Variants in TNR observed in about 807,000 individuals in gnomAD.
TNR encodes the protein tenascin R, also known as tenascin-R.
Under a neutral mutation model 150.4 loss-of-function variants are expected in TNR, and 45 were observed. The observed-to-expected ratio is 0.30, with a 90% CI of 0.24 to 0.38. The LOEUF (loss-of-function observed/expected upper bound fraction) is 0.38. Ranked by LOEUF, TNR falls within the 10% of genes least tolerant of loss-of-function variation. TNR has a pLI of 1.00. For missense variants in TNR, 1,544 were observed against 1,759.1 expected, an observed-to-expected ratio of 0.88 and a Z score of 2.19; for synonymous variants, 687 against 678.4, an observed-to-expected ratio of 1.01 and a Z score of -0.20.
chr1:175,531,764 A>G (rs547330632), intron 1 of TNR, among the ~76,000 whole-genome samples: 18 of 152,366 alleles, frequency 1.2e-4, no homozygotes, highest in African/African-American at 3.8e-4. Context: ...CCTATGAAAT[A>G]TGTCTAGAAA....
intron 1 of TNR, among the ~76,000 whole-genome samples, chr1:175,700,415 A>C (rs1415060926): frequency 6.6e-6 from 1 of 152,142 alleles, no homozygotes; most frequent in Non-Finnish European, 1.5e-5. Context: ...TCTTAAATTC[A>C]CTATCCTGAG....
At chr1:175,586,209 T>C (rs757798261) in intron 1 of TNR, among the ~76,000 whole-genome samples, 77 of 152,262 alleles carry the variant, frequency 5.1e-4, no homozygotes, top group African/African-American at 1.5e-3. Flanking sequence ...GGGAAAGAGA[T>C]GGATGCTGGG....
chr1:175,652,198 A>G (rs1325408418), intron 1 of TNR, among the ~76,000 whole-genome samples: 1 of 148,476 alleles, frequency 6.7e-6, no homozygotes, highest in Non-Finnish European at 1.5e-5. Flanking sequence ...TTATCATATT[A>G]TATTATTCTC....
intron 2 of TNR, among the ~76,000 whole-genome samples, chr1:175,470,867 G>T (rs1657255092): frequency 6.6e-6 from 1 of 152,186 alleles, no homozygotes; most frequent in South Asian, 2.1e-4. Flanking sequence ...ACTATTGGCT[G>T]AAATTTGGCA....
chr1:175,320,788 T>TTTAC lies in TNR; in HGVS notation c.*2568_*2569insGTAA, dbSNP rs1648998010. ...TTCCCTCCCTCCCTCCCCTTCCTTC[T>TTTAC]TTCCTTCCTTCCTTCCTTCCTTCTT... On this transcript the variant is annotated 3_prime_UTR_variant, in exon 23 of 23. Transcript: ENST00000367674. The TTTAC allele has an allele frequency of 7.1e-6, 1 of 141,270 alleles. No individual in the cohort carries two copies. The highest frequency in any genetic ancestry group is 2.6e-5 in the African/African-American group (1 of 38,372). 8.8% of individuals were successfully genotyped at this position (141,270 alleles called of 1,614,324 possible).
chr1:175,573,992 C>A (rs1341658931), intron 1 of TNR, among the ~76,000 whole-genome samples: 3 of 152,166 alleles, frequency 2.0e-5, no homozygotes, highest in Non-Finnish European at 4.4e-5. Flanking sequence ...GCCAAGGGGG[C>A]CCTTCCTTGG....
intron 2 of TNR, among the ~76,000 whole-genome samples, chr1:175,422,977 A>C (rs78627920): frequency 0.04 from 6,071 of 152,260 alleles, 154 homozygotes; most frequent in Middle Eastern, 0.11. Flanking sequence ...TTGCCTGGTG[A>C]ACAGGTCACC....
intron 2 of TNR, among the ~76,000 whole-genome samples, chr1:175,517,063 G>GAGAA (rs1659444709): frequency 6.8e-6 from 1 of 146,404 alleles, no homozygotes; most frequent in African/African-American, 2.7e-5. Flanking sequence ...GAGAGAAAGA[G>GAGAA]AGAGAGACCT....
intron 2 of TNR, among the ~76,000 whole-genome samples, chr1:175,515,301 T>C (rs1474396313): frequency 6.6e-6 from 1 of 152,172 alleles, no homozygotes; most frequent in East Asian, 1.9e-4. Flanking sequence ...GTCAATCTAG[T>C]TGAAGAGAAA....
chr1:175,369,381 G>A (rs1651987460), intron 9 of TNR, among the ~76,000 whole-genome samples: 1 of 152,092 alleles, frequency 6.6e-6, no homozygotes, highest in Admixed American at 6.5e-5. Context: ...AGCACTCCCT[G>A]GCATTCCTTG....
chr1:175,715,144 TC>T (rs1318236728), intron 1 of TNR, among the ~76,000 whole-genome samples: 1 of 152,162 alleles, frequency 6.6e-6, no homozygotes, highest in Non-Finnish European at 1.5e-5. Flanking sequence ...TTTAACAATA[TC>T]CCCACATTGA....
At chr1:175,741,124 C>G (rs73037272) in intron 1 of TNR, among the ~76,000 whole-genome samples, 4,683 of 152,304 alleles carry the variant, frequency 0.031, 214 homozygotes, top group African/African-American at 0.1. Context: ...ACACTGAGTT[C>G]CCTAAAAGGC....
At chr1:175,740,392 G>A (rs1321414195) in intron 1 of TNR, among the ~76,000 whole-genome samples, 2 of 152,026 alleles carry the variant, frequency 1.3e-5, no homozygotes, top group Non-Finnish European at 2.9e-5. Context: ...GAATACTTAA[G>A]ATCAGTGCAT....
intron 1 of TNR, among the ~76,000 whole-genome samples, chr1:175,623,125 G>A (rs1335456089): frequency 2.0e-5 from 3 of 152,112 alleles, no homozygotes; most frequent in Non-Finnish European, 4.4e-5. Flanking sequence ...GTCTCTCATG[G>A]GATCCGAAAG....
chr1:175,410,350 A>G (rs1654155509), intron 2 of TNR, among the ~76,000 whole-genome samples: 1 of 152,224 alleles, frequency 6.6e-6, no homozygotes, highest in African/African-American at 2.4e-5. Flanking sequence ...CACATATCAA[A>G]CATGTATTAT....
At chr1:175,689,745 G>C (rs945649162) in intron 1 of TNR, among the ~76,000 whole-genome samples, 17 of 152,138 alleles carry the variant, frequency 1.1e-4, no homozygotes, top group African/African-American at 4.1e-4. Flanking sequence ...ATTATAACAG[G>C]GTGGCCAGAC....
In TNR at chr1:175,370,123, A is replaced by G. The variant is rs569083051; in HGVS notation, c.1964-2826T>C. ...AGACTTTGACGTCTGACATATCTATATTTGGTCTCTTTCACTTTTTACCTG... is the reference window on the plus strand; with the variant it reads ...AGACTTTGACGTCTGACATATCTATGTTTGGTCTCTTTCACTTTTTACCTG... On this transcript the variant is annotated intron_variant, in intron 9 of 22. Coordinates refer to ENST00000367674, the MANE Select transcript of TNR (RefSeq NM_003285.3). 2.6e-4 allele frequency among the ~76,000 whole-genome samples: 39 copies of G among 152,230 alleles called. No individual in the cohort carries two copies. The Middle Eastern group carries it at 0.01, about 40-fold the overall frequency.
At chr1:175,456,660 C>T (rs1008217014) in intron 2 of TNR, among the ~76,000 whole-genome samples, 3 of 152,120 alleles carry the variant, frequency 2.0e-5, no homozygotes, top group African/African-American at 7.2e-5. Context: ...CTCTTGAAAA[C>T]ATCCTAGAGC....
chr1:175,338,403 C>T (rs1270748165), intron 18 of TNR, among the ~76,000 whole-genome samples: 1 of 152,174 alleles, frequency 6.6e-6, no homozygotes, highest in Non-Finnish European at 1.5e-5. Context: ...AATCCTGTGT[C>T]TTGAAGAGCT....
Sources: gnomAD v4.1 joint callset for allele counts (sites outside exome capture counted in the v4.1 genomes callset) on GRCh38, gnomAD v4.1.1 for gene constraint, MANE v1.5 for transcripts, NCBI Gene and HGNC (gene_info 2026-07-23, HGNC 2026-07-21) for gene names.